HERC2: variants seen among roughly 807,000 people sequenced by gnomAD.
HERC2 encodes HECT and RLD domain containing E3 ubiquitin protein ligase 2.
A neutral mutation model predicts 537.7 loss-of-function variants in HERC2; 102 were observed. The ratio of observed to expected loss-of-function variants is 0.19; its 90% confidence interval spans 0.16 to 0.22. The LOEUF (loss-of-function observed/expected upper bound fraction) is 0.22. HERC2 is among the 10% of genes least tolerant of loss of function. HERC2 has a pLI of 1.00. For missense variants in HERC2, 4,236 were observed against 6,198.2 expected, an observed-to-expected ratio of 0.68 and a Z score of 10.63; for synonymous variants, 2,224 against 2,466.2, an observed-to-expected ratio of 0.90 and a Z score of 2.91.
intron 39 of HERC2, 134 bp from the exon 40 acceptor site, chr15:28,214,936 G>A (rs73362650): frequency 3.4e-5 from 23 of 686,426 alleles, no homozygotes; most frequent in Non-Finnish European, 5.0e-5. Context: ...GCAGTGGCAC[G>A]GTCTCGGCTC....
At chr15:28,146,953 C>G (rs1232327185) in intron 70 of HERC2, among the ~76,000 whole-genome samples, 4 of 131,322 alleles carry the variant, frequency 3.0e-5, no homozygotes, top group African/African-American at 1.2e-4. Flanking sequence ...TCCTCTCTTA[C>G]GGTTACAGGG....
intron 4 of HERC2, among the ~76,000 whole-genome samples, chr15:28,280,511 G>A (rs2075993599): frequency 6.6e-6 from 1 of 152,156 alleles, no homozygotes; most frequent in Non-Finnish European, 1.5e-5. Flanking sequence ...GAGGCACCAA[G>A]TGGTTAAGCA....
intron 52 of HERC2, among the ~76,000 whole-genome samples, chr15:28,194,744 T>C (rs895054061): frequency 6.6e-6 from 1 of 152,140 alleles, no homozygotes. Flanking sequence ...TTCTGTTAGA[T>C]ATGTATTTAT....
At chr15:28,138,419 T>C (rs7403279) in intron 78 of HERC2, among the ~76,000 whole-genome samples, 94,727 of 152,112 alleles carry the variant, frequency 0.62, 34,984 homozygotes, top group Non-Finnish European at 0.84. Flanking sequence ...GTTGAATTCA[T>C]TGAAGTCAAT....
rs188067331 is a variant in HERC2, at chr15:28,113,337, G to C, written c.14020-54C>G. 2 of 1,551,860 alleles carry C rather than the reference G, an allele frequency of 1.3e-6. No homozygotes were observed. Among genetic ancestry groups the C allele is most frequent in the African/African-American group, 1.4e-5 (1 of 73,610 alleles). On this transcript the variant is annotated intron_variant, in intron 91 of 92. Coordinates refer to ENST00000261609, the MANE Select transcript of HERC2 (RefSeq NM_004667.6). This position sits in a 1 kb window ranked among gnomAD's most constrained non-coding sequence, Gnocchi z 7.0. ...TGATGCTTCCCACCCTGGCATTTCC[G>C]CAAGACTCCGTCACGCTCCCTCTCT...
At chr15:28,286,114 C>G (rs9672907) in intron 4 of HERC2, among the ~76,000 whole-genome samples, 1 of 151,778 alleles carries the variant, frequency 6.6e-6, no homozygotes, top group Non-Finnish European at 1.5e-5. Flanking sequence ...AGAATTAACA[C>G]GGACTCAAAA....
chr15:28,152,144 C>T (rs1416725630), intron 70 of HERC2, among the ~76,000 whole-genome samples: 1 of 152,214 alleles, frequency 6.6e-6, no homozygotes, highest in Non-Finnish European at 1.5e-5. Context: ...CGGGCAGCAC[C>T]TTGCAGAAGG....
chr15:28,114,867 C>A, intron 89 of HERC2, 65 bp from the exon 90 acceptor site: 2 of 1,358,554 alleles, frequency 1.5e-6, no homozygotes, highest in South Asian at 1.2e-5. Context: ...AGACTCCAGT[C>A]CACCCAGCAC....
At chr15:28,144,025 G>T in intron 73 of HERC2, 34 bp from the exon 74 acceptor site, 1 of 1,614,154 alleles carries the variant, frequency 6.2e-7, no homozygotes. Context: ...TCAGAAGTCT[G>T]ATGGTTTCTT....
rs548531154 is a variant in HERC2 at position 28,213,998 on chromosome 15, G to A, written c.6556-26C>T. On this transcript the variant is annotated intron_variant, in intron 41 of 92. Transcript: ENST00000261609. ...CTAGTGCAGACCAAACAGCGAGCTC[G>A]ACAGAGACACTCACGGAGCTGCCCA... The A allele has an allele frequency of 1.1e-4, 175 of 1,610,636 alleles. No homozygotes were observed. In the South Asian group the frequency reaches 1.4e-3, roughly 13 times the overall value.
intron 2 of HERC2, among the ~76,000 whole-genome samples, chr15:28,317,781 T>G (rs1029634270): frequency 6.6e-6 from 1 of 152,220 alleles, no homozygotes; most frequent in South Asian, 2.1e-4. Flanking sequence ...TTGTACCAAC[T>G]TCAATTTCTG....
At chr15:28,161,713 T>C (rs1461904095) in intron 69 of HERC2, among the ~76,000 whole-genome samples, 3 of 152,194 alleles carry the variant, frequency 2.0e-5, no homozygotes, top group Admixed American at 2.0e-4. Context: ...ATGGCTCCGG[T>C]CCAGAACATT....
rs2075305279 is a variant in HERC2 at position 28,257,767 on chromosome 15, A to C, written c.2317-506T>G. On this transcript the variant is annotated intron_variant, in intron 16 of 92. Transcript: ENST00000261609. The stretch of plus-strand genomic sequence containing the variant: ...ATACTTTTTTTTTTTTTTGAGACAG[A>C]GTCTCACTCTGTCACCCAGACTGGA... 2.0e-5 allele frequency among the ~76,000 whole-genome samples: 3 copies of C among 151,540 alleles called. 1 individual carries two copies. The South Asian group carries it at 6.3e-4, about 32-fold the overall frequency.
intron 23 of HERC2, among the ~76,000 whole-genome samples, chr15:28,240,489 T>C (rs1477038612): frequency 6.6e-6 from 1 of 152,058 alleles, no homozygotes; most frequent in Non-Finnish European, 1.5e-5. Context: ...CAGAGAAGTA[T>C]GAGAGGGGAA....
rs8024526 is a variant in HERC2 at position 28,145,519 on chromosome 15, C to A, written c.11009-715G>T. Among the ~76,000 whole-genome samples the A allele has an allele frequency of 1.3e-4, 20 of 152,128 alleles. 1 individual carries two copies. Among genetic ancestry groups the A allele is most frequent in the South Asian group, 4.1e-4 (2 of 4,830 alleles). On this transcript the variant is annotated intron_variant, in intron 71 of 92. Coordinates refer to ENST00000261609, the MANE Select transcript of HERC2 (RefSeq NM_004667.6). Reference sequence around the variant, plus strand: ...GTCAAAGCACCAGAAAAACCCACGCCCACTGGGACCATACCATTTCATGCA... The same window carrying A: ...GTCAAAGCACCAGAAAAACCCACGCACACTGGGACCATACCATTTCATGCA...
chr15:28,278,387 C>CA lies in HERC2; in HGVS notation c.542+1680dup, dbSNP rs141961459. ...AGACCCCCATGTCAAAACAAACAAA[C>CA]AAAAAAAAATCATCTCTAGATTACT... On this transcript the variant is annotated intron_variant, in intron 5 of 92. Coordinates refer to ENST00000261609, the MANE Select transcript of HERC2 (RefSeq NM_004667.6). Among the ~76,000 whole-genome samples, 91 of 150,684 alleles carry CA rather than the reference C, an allele frequency of 6.0e-4. No homozygotes were observed. In the East Asian group the frequency reaches 0.01, roughly 17 times the overall value.
intron 84 of HERC2, 104 bp from the exon 85 acceptor site, chr15:28,124,338 A>C (rs1889242280): frequency 1.4e-6 from 1 of 717,202 alleles, no homozygotes; most frequent in East Asian, 3.3e-5. Context: ...AAATACAGAG[A>C]AGCACTATGG....
intron 80 of HERC2, 65 bp downstream of exon 80, chr15:28,132,588 C>A: frequency 7.5e-7 from 1 of 1,333,528 alleles, no homozygotes; most frequent in Non-Finnish European, 9.7e-7. Flanking sequence ...TGGCAAACCG[C>A]CCCCATCTGA....
At chr15:28,215,835 A>G in intron 38 of HERC2, 33 bp from the exon 39 acceptor site, 2 of 1,304,634 alleles carry the variant, frequency 1.5e-6, no homozygotes, top group Non-Finnish European at 2.2e-6. Context: ...GCTTGGTAAC[A>G]AGTCCCTAAA....
Sources: gnomAD v4.1 joint callset for allele counts (sites outside exome capture counted in the v4.1 genomes callset) on GRCh38, gnomAD v4.1.1 for gene constraint, Gnocchi (gnomAD v3.1) non-coding constraint, MANE v1.5 for transcripts, NCBI Gene and HGNC (gene_info 2026-07-23, HGNC 2026-07-21) for gene names.